The following GCM1 variants were observed in gnomAD, a reference collection of about 807,000 sequenced individuals.
GCM1 encodes the protein chorion-specific transcription factor GCMa.
Under a neutral mutation model 25.7 loss-of-function variants are expected in GCM1, and 2 were observed. The ratio of observed to expected loss-of-function variants is 0.08; its 90% CI spans 0.03 to 0.24. The LOEUF is 0.24. Among genes scored for constraint, GCM1 ranks in the 10% least tolerant of loss-of-function variants. The pLI is 1.00. For synonymous variants in GCM1, 183 were observed against 195.7 expected (o/e 0.94, Z 0.54); for missense variants, 395 against 538.7 (o/e 0.73, Z 2.64).
At position 53,134,153 on chromosome 6, in the gene GCM1, C is replaced by A. The variant is rs370349714; in HGVS notation, c.247G>T (p.Gly83Cys). The A allele has an allele frequency of 6.2e-7, 1 of 1,614,094 alleles. No homozygotes were observed. Among genetic ancestry groups the A allele is most frequent in the Non-Finnish European group, 8.5e-7 (1 of 1,180,008 alleles). ...KKSCLGVVVC[G>C]RDCLAEEGRK... ...CCCTCCTCTGCGAGACAGTCGCGGCCGCACACCACCACACCCAGGCAGGAC... is the reference window on the plus strand; with the variant it reads ...CCCTCCTCTGCGAGACAGTCGCGGCAGCACACCACCACACCCAGGCAGGAC... The change falls in exon 3 of 6, where the codon GGC becomes TGC. Residue 83 changes from glycine (G) to cysteine (C), a missense_variant. Physicochemically the swap from Gly to Cys is radical, Grantham distance 159 (BLOSUM62 -3). Coordinates refer to ENST00000259803, the MANE Select transcript of GCM1 (RefSeq NM_003643.4).
chr6:53,131,934 A>G, intron 4 of GCM1, 73 bp downstream of exon 4: 1 of 846,984 alleles, frequency 1.2e-6, no homozygotes, highest in South Asian at 1.4e-5. Flanking sequence ...GATCTCATTC[A>G]CAGGTGCATT....
chr6:53,136,876 C>T (rs58044419), intron 2 of GCM1, among the ~76,000 whole-genome samples: 6,411 of 151,810 alleles, frequency 0.042, 301 homozygotes, highest in African/African-American at 0.11. Context: ...CTTGGGAGGC[C>T]GAGACAGGAG....
chr6:53,129,688 T>A (rs1273672610), intron 5 of GCM1, among the ~76,000 whole-genome samples: 1 of 152,238 alleles, frequency 6.6e-6, no homozygotes, highest in Non-Finnish European at 1.5e-5. Flanking sequence ...TCTCAACATT[T>A]CCTCCCTTGA....
At chr6:53,137,487 C>T (rs1191326563) in intron 2 of GCM1, among the ~76,000 whole-genome samples, 1 of 152,088 alleles carries the variant, frequency 6.6e-6, no homozygotes, top group Non-Finnish European at 1.5e-5. Context: ...TAGGTTAAAA[C>T]ATTAAAATGT....
rs953221720 is a variant in GCM1 at position 53,127,939 on chromosome 6, G to C, written c.*267C>G. ...AGCTACTCGGGAGGCTGACGCAGGAGAATCACTCAAACCCGGGAGGCAGAG... is the reference window on the plus strand; with the variant it reads ...AGCTACTCGGGAGGCTGACGCAGGACAATCACTCAAACCCGGGAGGCAGAG... On this transcript the variant is annotated 3_prime_UTR_variant, in exon 6 of 6. Coordinates refer to ENST00000259803, the MANE Select transcript of GCM1 (RefSeq NM_003643.4). 2.9e-5 allele frequency: 7 copies of C among 237,776 alleles called. No homozygotes were observed. The highest frequency in any genetic ancestry group is 5.3e-5 in the Non-Finnish European group (7 of 133,304). 14.7% of individuals were successfully genotyped at this position (237,776 alleles called of 1,614,324 possible).
At chr6:53,136,130 G>A (rs1763796601) in intron 2 of GCM1, among the ~76,000 whole-genome samples, 1 of 152,250 alleles carries the variant, frequency 6.6e-6, no homozygotes, top group Admixed American at 6.5e-5. Context: ...ACTGTTTAGT[G>A]GTTAAGAGCT....
intron 2 of GCM1, among the ~76,000 whole-genome samples, chr6:53,138,879 C>A (rs922634615): frequency 1.3e-5 from 2 of 152,188 alleles, no homozygotes; most frequent in Non-Finnish European, 2.9e-5. Flanking sequence ...CTAGAACACC[C>A]TTCATACTCA....
At chr6:53,146,838 G>A (rs979775222) in intron 1 of GCM1, among the ~76,000 whole-genome samples, 5 of 152,120 alleles carry the variant, frequency 3.3e-5, no homozygotes, top group African/African-American at 1.2e-4. Flanking sequence ...TTCAAGACCA[G>A]CCTGAGAAAC....
intron 2 of GCM1, among the ~76,000 whole-genome samples, chr6:53,145,053 G>A (rs1193443743): frequency 2.0e-5 from 3 of 151,950 alleles, no homozygotes; most frequent in African/African-American, 7.2e-5. Context: ...AAGGCAAGGC[G>A]AAGGAAAGGG....
chr6:53,129,885 A>T (rs1006409699), intron 5 of GCM1, among the ~76,000 whole-genome samples: 1 of 152,114 alleles, frequency 6.6e-6, no homozygotes, highest in African/African-American at 2.4e-5. Context: ...ATTGTTCTTT[A>T]GTTAATCGTT....
intron 2 of GCM1, among the ~76,000 whole-genome samples, chr6:53,142,004 A>G (rs1763880114): frequency 1.4e-5 from 1 of 70,506 alleles, no homozygotes; most frequent in Admixed American, 1.4e-4. Context: ...GACCCTGAAA[A>G]AAAAAAAAAA....
chr6:53,128,224 G>A lies in GCM1; in HGVS notation c.1293C>T (p.Asn431=), dbSNP rs1562086437. The change falls in exon 6 of 6, where the codon AAC becomes AAT. Residue 431 remains asparagine, a synonymous_variant. Transcript: ENST00000259803. ...ATTTGGGTCATCTCAAAGGACACAG[G>A]TTCAGAAGCATATCATTGTTGCAGT... ...LDHCNNDMLL[N]LCPLR is the part of the protein sequence containing the mutation. The A allele has an allele frequency of 1.2e-6, 2 of 1,607,986 alleles. No individual in the cohort carries two copies. The highest frequency in any genetic ancestry group is 1.3e-5 in the African/African-American group (1 of 75,008).
intron 2 of GCM1, among the ~76,000 whole-genome samples, chr6:53,142,304 C>T (rs1348288933): frequency 1.3e-5 from 2 of 152,096 alleles, no homozygotes; most frequent in Non-Finnish European, 2.9e-5. Context: ...AAAAGGTAGT[C>T]TGGGGAACAT....
Position 53,134,139 on chromosome 6 carries a change from G to C in GCM1, c.261C>G (p.Leu87=), listed in dbSNP as rs757351531. The C allele has an allele frequency of 1.2e-6, 2 of 1,614,010 alleles. No individual in the cohort carries two copies. The highest frequency in any genetic ancestry group is 2.7e-5 in the African/African-American group (2 of 74,902). ...LGVVVCGRDC[L]AEEGRKIYLR... is the part of the protein sequence containing the mutation. ...GGTAGATCTTGCGCCCCTCCTCTGC[G>C]AGACAGTCGCGGCCGCACACCACCA... Residue 87 remains leucine, a synonymous_variant, in exon 3 of 6, where the codon CTC becomes CTG. Transcript: ENST00000259803.
chr6:53,136,854 T>G (rs1763806708), intron 2 of GCM1, among the ~76,000 whole-genome samples: 1 of 152,068 alleles, frequency 6.6e-6, no homozygotes, highest in Admixed American at 6.6e-5. Context: ...CGGGCACCAG[T>G]AATCCTTGCT....
At chr6:53,131,560 G>A (rs982816258) in intron 4 of GCM1, among the ~76,000 whole-genome samples, 3 of 152,202 alleles carry the variant, frequency 2.0e-5, no homozygotes, top group African/African-American at 7.2e-5. Context: ...CAGGCAGTCT[G>A]AGTCAGGGTC....
intron 4 of GCM1, 42 bp from the exon 5 acceptor site, chr6:53,130,973 T>A: frequency 6.4e-7 from 1 of 1,555,766 alleles, no homozygotes; most frequent in Non-Finnish European, 8.9e-7. Flanking sequence ...GATATAACAC[T>A]AACTAGACTG....
At chr6:53,146,209 T>TAC (rs1763952973) in intron 1 of GCM1, among the ~76,000 whole-genome samples, 1 of 58,220 alleles carries the variant, frequency 1.7e-5, no homozygotes, top group Non-Finnish European at 3.3e-5. Flanking sequence ...TATATATATA[T>TAC]ATATATATTT....
At chr6:53,140,980 A>G (rs1405888421) in intron 2 of GCM1, among the ~76,000 whole-genome samples, 1 of 152,196 alleles carries the variant, frequency 6.6e-6, no homozygotes, top group Non-Finnish European at 1.5e-5. Context: ...AAGTACAAAT[A>G]ATGACATAAA....
Sources: gnomAD v4.1 joint callset for allele counts (sites outside exome capture counted in the v4.1 genomes callset) on GRCh38, gnomAD v4.1.1 for gene constraint, MANE v1.5 for transcripts, NCBI Gene and HGNC (gene_info 2026-07-23, HGNC 2026-07-21) for gene names.